The following PLD5 variants were observed in gnomAD, a reference collection of about 807,000 sequenced individuals.
PLD5 encodes inactive phospholipase D5.
Under a neutral mutation model 61.1 loss-of-function variants are expected in PLD5, and 36 were observed. That is an observed-to-expected ratio of 0.59 (90% CI 0.45 to 0.78). PLD5 has a LOEUF of 0.78. Among genes scored for constraint, PLD5 ranks in the 30% least tolerant of loss-of-function variants. PLD5 has a pLI of 0.00. For synonymous variants in PLD5, 243 were observed against 242.8 expected, an observed-to-expected ratio of 1.00 and a Z score of -0.01; for missense variants, 515 against 644.4, an observed-to-expected ratio of 0.80 and a Z score of 2.17.
intron 4 of PLD5, among the ~76,000 whole-genome samples, chr1:242,221,698 A>G (rs1481093911): frequency 2.6e-5 from 4 of 152,108 alleles, no homozygotes; most frequent in Admixed American, 1.3e-4. Context: ...AGTAACATCC[A>G]AAAAAGAGTT....
chr1:242,456,933 A>T (rs1666961886), intron 1 of PLD5, among the ~76,000 whole-genome samples: 1 of 152,188 alleles, frequency 6.6e-6, no homozygotes, highest in Non-Finnish European at 1.5e-5. Flanking sequence ...ATGGGAAAAC[A>T]AGAATGTCTC....
At chr1:242,479,887 C>CA (rs200496068) in intron 1 of PLD5, among the ~76,000 whole-genome samples, 9,740 of 131,866 alleles carry the variant, frequency 0.074, 367 homozygotes, top group Middle Eastern at 0.081. Flanking sequence ...ACTAAAAATA[C>CA]AAAAAAAAAA....
At chr1:242,282,355 C>A (rs1674760503) in intron 3 of PLD5, among the ~76,000 whole-genome samples, 1 of 152,206 alleles carries the variant, frequency 6.6e-6, no homozygotes, top group Admixed American at 6.5e-5. Context: ...CTCAGCTCCA[C>A]TCCTGGCTCA....
chr1:242,454,938 T>G (rs1486024519), intron 1 of PLD5, among the ~76,000 whole-genome samples: 1 of 152,230 alleles, frequency 6.6e-6, no homozygotes, highest in African/African-American at 2.4e-5. Flanking sequence ...TGTATGTGCC[T>G]GTTCTTCTTT....
At chr1:242,238,582 AAG>A (rs1671792738) in intron 4 of PLD5, among the ~76,000 whole-genome samples, 1 of 152,256 alleles carries the variant, frequency 6.6e-6, no homozygotes, top group South Asian at 2.1e-4. Flanking sequence ...GCTTTGAAAA[AAG>A]AGATGAACTT....
intron 2 of PLD5, among the ~76,000 whole-genome samples, chr1:242,305,043 T>C (rs1179652507): frequency 3.3e-5 from 5 of 151,938 alleles, no homozygotes; most frequent in Admixed American, 6.6e-5. Context: ...GAGGCAGAGG[T>C]TGCAGTGAGC....
intron 9 of PLD5, among the ~76,000 whole-genome samples, chr1:242,099,248 A>G (rs573039814): frequency 1.3e-5 from 2 of 152,052 alleles, no homozygotes; most frequent in Admixed American, 6.5e-5. Flanking sequence ...TTGGCCTCCC[A>G]TGTAGCTGGG....
At chr1:242,387,179 CAA>C (rs1662649015) in intron 1 of PLD5, among the ~76,000 whole-genome samples, 1 of 152,112 alleles carries the variant, frequency 6.6e-6, no homozygotes, top group Admixed American at 6.5e-5. Flanking sequence ...TCATTCTCAC[CAA>C]AGTGTCCCAT....
chr1:242,481,786 T>A (rs916856740), intron 1 of PLD5, among the ~76,000 whole-genome samples: 1 of 152,060 alleles, frequency 6.6e-6, no homozygotes, highest in Non-Finnish European at 1.5e-5. Context: ...GACCCCTGAG[T>A]AGCCTAACTG....
chr1:242,304,522 G>T (rs1676238440), intron 2 of PLD5, among the ~76,000 whole-genome samples: 2 of 152,196 alleles, frequency 1.3e-5, no homozygotes, highest in African/African-American at 4.8e-5. Context: ...GCTAGATAAT[G>T]ATATAAGTTC....
Position 242,449,520 on chromosome 1 carries a change from T to G in PLD5, c.189+74568A>C. 15 of 1,484,072 alleles carry G rather than the reference T, an allele frequency of 1.0e-5. No individual in the cohort carries two copies. The South Asian group carries it at 2.0e-4, about 20-fold the overall frequency. The allele number at this position is 1,484,072 out of a possible 1,614,324, so 91.9% of individuals were successfully genotyped here. ...TCAGTCCCTCAATTGCTGGCCTCAATGCTTTGGAAATCAGCCAAACTGAGC... is the reference window on the plus strand; with the variant it reads ...TCAGTCCCTCAATTGCTGGCCTCAAGGCTTTGGAAATCAGCCAAACTGAGC... On this transcript the variant is annotated intron_variant, in intron 1 of 9. Coordinates refer to ENST00000536534, the MANE Select transcript of PLD5 (RefSeq NM_001372062.1).
In PLD5 at chr1:242,215,219, T is replaced by TAGA. The variant is rs1266425718; in HGVS notation, c.735+4768_735+4769insTCT. Among the ~76,000 whole-genome samples, 163 of 151,880 alleles carry TAGA rather than the reference T, an allele frequency of 1.1e-3. 4 individuals are homozygous for TAGA. Among genetic ancestry groups the TAGA allele is most frequent in the Admixed American group, 0.01 (153 of 15,046 alleles). ...TCTTCTTTTAACTTTTGCATTTATATGATGGCCCACAAAAATTAAAACTGA... is the reference window on the plus strand; with the variant it reads ...TCTTCTTTTAACTTTTGCATTTATATAGAGATGGCCCACAAAAATTAAAACTGA... On this transcript the variant is annotated intron_variant, in intron 5 of 9. Coordinates refer to ENST00000536534, the MANE Select transcript of PLD5 (RefSeq NM_001372062.1).
chr1:242,189,313 G>A (rs1053174822), intron 5 of PLD5, among the ~76,000 whole-genome samples: 2 of 152,026 alleles, frequency 1.3e-5, no homozygotes, highest in Non-Finnish European at 2.9e-5. Context: ...GGGCGTAGTG[G>A]CGGGCACCTG....
chr1:242,212,010 T>C (rs1038425600), intron 5 of PLD5, among the ~76,000 whole-genome samples: 3 of 152,146 alleles, frequency 2.0e-5, no homozygotes, highest in Non-Finnish European at 4.4e-5. Flanking sequence ...GGAGAAATCT[T>C]AAACATTGCA....
chr1:242,476,771 A>G (rs1307214285), intron 1 of PLD5, among the ~76,000 whole-genome samples: 1 of 151,914 alleles, frequency 6.6e-6, no homozygotes, highest in Non-Finnish European at 1.5e-5. Flanking sequence ...CCCCAGGTTT[A>G]TTTTTTTTCA....
intron 5 of PLD5, among the ~76,000 whole-genome samples, chr1:242,207,962 A>ATT (rs1425629393): frequency 2.8e-4 from 7 of 25,028 alleles, no homozygotes; most frequent in African/African-American, 7.2e-4. Context: ...ATTTATATAT[A>ATT]TTTATATATA....
chr1:242,368,438 AG>A (rs1422586251), intron 1 of PLD5, among the ~76,000 whole-genome samples: 2 of 152,214 alleles, frequency 1.3e-5, no homozygotes, highest in African/African-American at 4.8e-5. Flanking sequence ...AATAGGCAAA[AG>A]AAAGAAAATA....
At chr1:242,335,165 C>G (rs1403527188) in intron 2 of PLD5, among the ~76,000 whole-genome samples, 1 of 151,694 alleles carries the variant, frequency 6.6e-6, no homozygotes, top group African/African-American at 2.4e-5. Context: ...GCCACTGAAA[C>G]CAAGAGGTCA....
At chr1:242,512,415 C>CAAAA (rs33990244) in intron 1 of PLD5, among the ~76,000 whole-genome samples, 38 of 120,370 alleles carry the variant, frequency 3.2e-4, no homozygotes, top group African/African-American at 1.1e-3. Flanking sequence ...GACTCCATCT[C>CAAAA]AAAAAAAAAA....
Sources: gnomAD v4.1 joint callset for allele counts (sites outside exome capture counted in the v4.1 genomes callset) on GRCh38, gnomAD v4.1.1 for gene constraint, MANE v1.5 for transcripts, NCBI Gene and HGNC (gene_info 2026-07-23, HGNC 2026-07-21) for gene names.